Variants in JMJD1C observed in about 807,000 individuals in gnomAD.
The protein encoded by JMJD1C is jumonji domain-containing protein 1C.
JMJD1C carries 31 observed loss-of-function variants against 245.3 expected under a neutral mutation model. The ratio of observed to expected loss-of-function variants is 0.13; its 90% CI spans 0.09 to 0.17. The LOEUF (loss-of-function observed/expected upper bound fraction) is 0.17, where lower values mean the gene tolerates loss of function less well. Ranked by LOEUF, JMJD1C falls within the 10% of genes least tolerant of loss-of-function variation. The pLI is 1.00. For missense variants in JMJD1C, 2,691 were observed against 3,000.2 expected, an observed-to-expected ratio of 0.90 and a Z score of 2.41; for synonymous variants, 1,057 against 1,017.4, an observed-to-expected ratio of 1.04 and a Z score of -0.74.
intron 2 of JMJD1C, among the ~76,000 whole-genome samples, chr10:63,341,277 T>C (rs1261472073): frequency 6.6e-6 from 1 of 152,236 alleles, no homozygotes; most frequent in African/African-American, 2.4e-5. Context: ...AGAAATTCAT[T>C]GACAAATTTG....
At chr10:63,329,392 C>T (rs1347841659) in intron 2 of JMJD1C, among the ~76,000 whole-genome samples, 4 of 150,300 alleles carry the variant, frequency 2.7e-5, no homozygotes, top group Non-Finnish European at 5.9e-5. Flanking sequence ...TTTTGTTACT[C>T]ATTTGTGTGA....
At chr10:63,310,564 T>C (rs538536772) in intron 2 of JMJD1C, among the ~76,000 whole-genome samples, 1 of 152,250 alleles carries the variant, frequency 6.6e-6, no homozygotes, top group East Asian at 1.9e-4. Context: ...AGAAACGTAA[T>C]ACACTACATG....
At chr10:63,330,705 G>C (rs1188140099) in intron 2 of JMJD1C, among the ~76,000 whole-genome samples, 1 of 152,018 alleles carries the variant, frequency 6.6e-6, no homozygotes, top group East Asian at 1.9e-4. Flanking sequence ...ACTTCTACCA[G>C]ATGTTAATGA....
upstream of JMJD1C, among the ~76,000 whole-genome samples, chr10:63,470,119 C>T (rs1196623422): frequency 3.3e-5 from 5 of 152,108 alleles, no homozygotes; most frequent in African/African-American, 9.7e-5. Flanking sequence ...ACTACCACAA[C>T]TGTATTTACA....
rs759743105 is a variant in JMJD1C, at chr10:63,207,761, G to A, written c.3908C>T (p.Ala1303Val). The A allele has an allele frequency of 6.2e-7, 1 of 1,614,162 alleles. No homozygotes were observed. Among genetic ancestry groups the A allele is most frequent in the Non-Finnish European group, 8.5e-7 (1 of 1,179,998 alleles). ...AGAAGATGGACGCACAATGACAGAT[G>A]CCATAGCAGCCTGTAACTTTCCGCT... Reference protein sequence around the residue: ...KSSGKLQAAMASVIVRPSSST... With the variant: ...KSSGKLQAAMVSVIVRPSSST... The change falls in exon 10 of 26, where the codon GCA becomes GTA. Residue 1303 changes from alanine to valine, a missense_variant. Physicochemically the swap from Ala to Val is moderately conservative, Grantham distance 64 (BLOSUM62 0). Transcript: ENST00000399262.
chr10:63,434,442 T>C (rs1950948491), intron 1 of JMJD1C, among the ~76,000 whole-genome samples: 1 of 151,976 alleles, frequency 6.6e-6, no homozygotes. Context: ...TCAGGAGCCT[T>C]TGTAAGTCAA....
intron 1 of JMJD1C, among the ~76,000 whole-genome samples, chr10:63,458,291 G>A (rs991657601): frequency 2.0e-5 from 3 of 152,006 alleles, no homozygotes; most frequent in Admixed American, 1.3e-4. Flanking sequence ...TTTGAGACCA[G>A]CCTGGGCAAC....
At chr10:63,246,433 AAAT>A (rs2133570971) in intron 3 of JMJD1C, among the ~76,000 whole-genome samples, 1 of 151,808 alleles carries the variant, frequency 6.6e-6, no homozygotes, top group South Asian at 2.1e-4. Context: ...ATGAAAATAA[AAAT>A]AAAAAACAAA....
chr10:63,421,201 G>A (rs1308652756), intron 1 of JMJD1C, among the ~76,000 whole-genome samples: 1 of 152,120 alleles, frequency 6.6e-6, no homozygotes, highest in Non-Finnish European at 1.5e-5. Flanking sequence ...GGGCGTGGTG[G>A]CTCATGCCTG....
chr10:63,462,010 T>A, intron 1 of JMJD1C, among the ~76,000 whole-genome samples: 1 of 152,082 alleles, frequency 6.6e-6, no homozygotes, highest in East Asian at 1.9e-4. Flanking sequence ...TCTAGAAAAA[T>A]TCCTCAAAAA....
In JMJD1C at chr10:63,215,396, A is replaced by G. The variant is rs1847862069; in HGVS notation, c.882T>C (p.Ala294=). The G allele has an allele frequency of 6.2e-7, 1 of 1,614,022 alleles. No homozygotes were observed. Residue 294 remains alanine, a synonymous_variant, in exon 7 of 26, where the codon GCT becomes GCC. Transcript: ENST00000399262. ...GCTGGTGTGTATTCTGTTTTGGTAC[A>G]GCAGCTTGGGAGTTCATTGCTGGTC... ...SPRPAMNSQA[A]VPKQNTHQQQ... is the part of the protein sequence containing the mutation.
At chr10:63,279,331 T>C (rs1265884355) in intron 2 of JMJD1C, among the ~76,000 whole-genome samples, 1 of 152,028 alleles carries the variant, frequency 6.6e-6, no homozygotes, top group East Asian at 1.9e-4. Context: ...TTTAAAATGA[T>C]CAAGAAAATC....
intron 3 of JMJD1C, among the ~76,000 whole-genome samples, chr10:63,256,685 T>C (rs1425950105): frequency 6.6e-6 from 1 of 152,216 alleles, no homozygotes; most frequent in Non-Finnish European, 1.5e-5. Flanking sequence ...TGCCTGCCCA[T>C]GGATGCTCAT....
intron 10 of JMJD1C, among the ~76,000 whole-genome samples, chr10:63,201,173 G>A (rs1845962374): frequency 1.3e-5 from 2 of 152,146 alleles, no homozygotes; most frequent in South Asian, 4.1e-4. Context: ...GATTTTCCAA[G>A]GTAAGTGTGG....
At chr10:63,372,462 G>A (rs891731892) in intron 2 of JMJD1C, among the ~76,000 whole-genome samples, 3 of 152,032 alleles carry the variant, frequency 2.0e-5, no homozygotes, top group African/African-American at 7.2e-5. Flanking sequence ...ATGAGAATTG[G>A]CATTATAAGC....
chr10:63,282,613 G>A (rs1380852499), intron 2 of JMJD1C, among the ~76,000 whole-genome samples: 1 of 152,096 alleles, frequency 6.6e-6, no homozygotes, highest in Non-Finnish European at 1.5e-5. Flanking sequence ...GGGTAACAAA[G>A]TTATATTTTT....
chr10:63,357,826 GACACACACACACACACACAC>G (rs35073293), intron 2 of JMJD1C, among the ~76,000 whole-genome samples: 1 of 140,436 alleles, frequency 7.1e-6, no homozygotes, highest in African/African-American at 2.7e-5. Context: ...CAGACAGACA[GACACACACACACACACACAC>G]ACACACACAC....
chr10:63,513,634 C>A (rs974376887), intron 1 of JMJD1C, among the ~76,000 whole-genome samples: 35 of 152,086 alleles, frequency 2.3e-4, no homozygotes, highest in African/African-American at 8.5e-4. Flanking sequence ...CCATTTAGGC[C>A]GGGCACGGTG....
At chr10:63,353,025 C>T (rs1288966272) in intron 2 of JMJD1C, among the ~76,000 whole-genome samples, 2 of 152,094 alleles carry the variant, frequency 1.3e-5, no homozygotes, top group African/African-American at 2.4e-5. Flanking sequence ...ATACAGTCTA[C>T]GAGGAGAGAC....
Sources: allele counts gnomAD v4.1 joint callset (sites outside exome capture counted in the v4.1 genomes callset), GRCh38; gene constraint gnomAD v4.1.1; transcripts MANE v1.5; gene names NCBI Gene and HGNC (gene_info 2026-07-23, HGNC 2026-07-21).